Variants in FAM171A2 observed in about 807,000 individuals in gnomAD.
The protein encoded by FAM171A2 is protein FAM171A2.
Under a neutral mutation model 34.2 loss-of-function variants are expected in FAM171A2, and 13 were observed. The ratio of observed to expected loss-of-function variants is 0.38; its 90% CI spans 0.25 to 0.60. The LOEUF (loss-of-function observed/expected upper bound fraction) is 0.60, where lower values mean the gene tolerates loss of function less well. Ranked by LOEUF, FAM171A2 falls within the 20% of genes least tolerant of loss-of-function variation. FAM171A2 has a pLI of 0.62. For missense variants in FAM171A2, 950 were observed against 1,180.7 expected (o/e 0.80, Z 2.86); for synonymous variants, 475 against 561.2 (o/e 0.85, Z 2.17).
In FAM171A2 at chr17:44,353,485, C is replaced by G. The variant is rs1243221270; in HGVS notation, c.*248G>C. The G allele has an allele frequency of 4.3e-6, 1 of 230,336 alleles. No homozygotes were observed. The highest frequency in any genetic ancestry group is 9.4e-5 in the East Asian group (1 of 10,668). The allele number at this position is 230,336 out of a possible 1,614,324, so 14.3% of individuals were successfully genotyped here. On this transcript the variant is annotated 3_prime_UTR_variant, in exon 8 of 8. Coordinates refer to ENST00000293443, the MANE Select transcript of FAM171A2 (RefSeq NM_198475.3). ...AGCCACGTCTACACAGGCACTGCTT[C>G]CCCCCAGCCCTCCTCCCCGGCACCT...
At position 44,354,001 on chromosome 17, in the gene FAM171A2, C is replaced by A; in HGVS notation, c.2213G>T (p.Arg738Leu). ...EDTEPSSSES[R>L]TGLCSPEDNS... ...GTCCTCCGGAGAGCAGAGGCCCGTG[C>A]GGCTCTCGCTGCTGCTGGGCTCCGT... is the stretch of plus-strand genomic sequence containing the variant. The change falls in exon 8 of 8, where the codon CGC becomes CTC. Residue 738 changes from arginine (R) to leucine (L), a missense_variant. Arg to Leu is a moderately radical substitution (Grantham distance 102). Coordinates refer to ENST00000293443, the MANE Select transcript of FAM171A2 (RefSeq NM_198475.3). This position sits in a 1 kb window ranked among gnomAD's most constrained non-coding sequence, Gnocchi z 5.8. The A allele has an allele frequency of 8.2e-7, 1 of 1,220,336 alleles. No homozygotes were observed. The allele number at this position is 1,220,336 out of a possible 1,614,324, so 75.6% of individuals were successfully genotyped here.
chr17:44,360,257 A>G, intron 1 of FAM171A2, 125 bp from the exon 2 acceptor site: 1 of 753,478 alleles, frequency 1.3e-6, no homozygotes, highest in Non-Finnish European at 2.1e-6. Flanking sequence ...TAGAGAAGGC[A>G]TGATTTAAGA....
chr17:44,362,508 G>T (rs867541221), intron 1 of FAM171A2, among the ~76,000 whole-genome samples: 7 of 152,326 alleles, frequency 4.6e-5, no homozygotes, highest in Middle Eastern at 6.8e-3. Context: ...CTTAGTGTGG[G>T]GGGTGAGGAG....
Position 44,353,611 on chromosome 17 carries a change from C to T in FAM171A2, c.*122G>A. 1.4e-6 allele frequency: 1 copy of T among 721,428 alleles called. No individual in the cohort carries two copies. The highest frequency in any genetic ancestry group is 1.8e-6 in the Non-Finnish European group (1 of 540,548). The allele number at this position is 721,428 out of a possible 1,614,324, so 44.7% of individuals were successfully genotyped here. A position where few individuals can be genotyped will look rare whatever the true frequency, so the allele number is the denominator to read the frequency against. On this transcript the variant is annotated 3_prime_UTR_variant, in exon 8 of 8. Coordinates refer to ENST00000293443, the MANE Select transcript of FAM171A2 (RefSeq NM_198475.3). ...CACCAACCACGGAACAGCTCCAAGGCCCCTGGGCCCCTCTCCGGCCTGGGG... is the reference window on the plus strand; with the variant it reads ...CACCAACCACGGAACAGCTCCAAGGTCCCTGGGCCCCTCTCCGGCCTGGGG...
chr17:44,363,124 C>T (rs533504916), intron 1 of FAM171A2, among the ~76,000 whole-genome samples: 1 of 152,098 alleles, frequency 6.6e-6, no homozygotes, highest in African/African-American at 2.4e-5. Flanking sequence ...TCCCCTCCCC[C>T]CTTCAAACCC....
rs1305173057 is a variant in FAM171A2 at position 44,355,212 on chromosome 17, G to A, written c.1023-21C>T. The A allele has an allele frequency of 6.5e-7, 1 of 1,549,440 alleles. No individual in the cohort carries two copies. Among genetic ancestry groups the A allele is most frequent in the Admixed American group, 2.0e-5 (1 of 50,776 alleles). On this transcript the variant is annotated intron_variant, in intron 7 of 7. Transcript: ENST00000293443. This position sits in a 1 kb window ranked among gnomAD's most constrained non-coding sequence, Gnocchi z 4.1. ...GCCTCCTGGAAGGGAGGGAGCAGAA[G>A]GGGCCGCTCAGGAAAGGGTGAGGGC...
Position 44,353,375 on chromosome 17 carries a change from A to C in FAM171A2, c.*358T>G. 1 of 165,430 alleles carries C rather than the reference A, an allele frequency of 6.0e-6. No homozygotes were observed. Among genetic ancestry groups the C allele is most frequent in the Admixed American group, 6.0e-5 (1 of 16,640 alleles). 10.2% of individuals were successfully genotyped at this position (165,430 alleles called of 1,614,324 possible). A position where few individuals can be genotyped will look rare whatever the true frequency, so the allele number is the denominator to read the frequency against. Reference sequence around the variant, plus strand: ...CTCCCCTCCCAGGGGTCCACAAAGAACGCCCCCTCCCTTCCCAGCCCTCAC... The same window carrying C: ...CTCCCCTCCCAGGGGTCCACAAAGACCGCCCCCTCCCTTCCCAGCCCTCAC... On this transcript the variant is annotated 3_prime_UTR_variant, in exon 8 of 8. Transcript: ENST00000293443.
chr17:44,360,092 C>T lies in FAM171A2; in HGVS notation c.159G>A (p.Leu53=), dbSNP rs553435187. 86 of 1,551,668 alleles carry T rather than the reference C, an allele frequency of 5.5e-5. No individual in the cohort carries two copies. The East Asian group carries it at 2.1e-3, about 38-fold the overall frequency. Residue 53 remains leucine (L), a synonymous_variant, in exon 2 of 8, where the codon CTG becomes CTA. Coordinates refer to ENST00000293443, the MANE Select transcript of FAM171A2 (RefSeq NM_198475.3). ...IKVQVYVSGE[L]VPLARASVDV... Reference sequence around the variant, plus strand: ...CCACTGAGGCCCGGGCCAGGGGCACCAGCTCCCCGCTCACATACACCTGCA... The same window carrying T: ...CCACTGAGGCCCGGGCCAGGGGCACTAGCTCCCCGCTCACATACACCTGCA...
Position 44,356,180 on chromosome 17 carries a change from G to A in FAM171A2, c.771C>T (p.Pro257=), listed in dbSNP as rs2048422431. 2 of 1,546,864 alleles carry A rather than the reference G, an allele frequency of 1.3e-6. No homozygotes were observed. Among genetic ancestry groups the A allele is most frequent in the Non-Finnish European group, 1.7e-6 (2 of 1,143,602 alleles). ...GCCCCCTGAGGCACTTACCACTCTT[G>A]GGGTCAAATCTCCAGGCTGGAATGC... is the stretch of plus-strand genomic sequence containing the variant. The part of the protein sequence containing the change: ...GTSIPAWRFD[P]KSGLWVRNGT... Residue 257 remains proline, a synonymous_variant, in exon 5 of 8, where the codon CCC becomes CCT. Coordinates refer to ENST00000293443, the MANE Select transcript of FAM171A2 (RefSeq NM_198475.3).
intron 1 of FAM171A2, among the ~76,000 whole-genome samples, chr17:44,360,919 T>G (rs912333619): frequency 2.0e-4 from 31 of 152,196 alleles, no homozygotes; most frequent in African/African-American, 7.2e-4. Context: ...CCCCCTCACA[T>G]GAACCGCCTG....
chr17:44,359,682 G>A lies in FAM171A2; in HGVS notation c.347-11C>T. The A allele has an allele frequency of 1.3e-6, 2 of 1,549,228 alleles. No individual in the cohort carries two copies. Among genetic ancestry groups the A allele is most frequent in the Non-Finnish European group, 1.7e-6 (2 of 1,146,188 alleles). On this transcript the variant is annotated splice_polypyrimidine_tract_variant and intron_variant, in intron 2 of 7. Coordinates refer to ENST00000293443, the MANE Select transcript of FAM171A2 (RefSeq NM_198475.3). ...TGACAGACGCATACACTGCGGGAGGGATGGCCGGTCAGCTCCAGGAAAACC... is the reference window on the plus strand; with the variant it reads ...TGACAGACGCATACACTGCGGGAGGAATGGCCGGTCAGCTCCAGGAAAACC...
chr17:44,358,200 A>C (rs2048433360), intron 3 of FAM171A2, among the ~76,000 whole-genome samples: 1 of 152,248 alleles, frequency 6.6e-6, no homozygotes, highest in Admixed American at 6.5e-5. Flanking sequence ...AGAAAGGCCC[A>C]GAGGCGTGGG....
chr17:44,360,160 G>T, intron 1 of FAM171A2, 28 bp from the exon 2 acceptor site: 1 of 1,521,126 alleles, frequency 6.6e-7, no homozygotes, highest in Non-Finnish European at 8.9e-7. Flanking sequence ...CAAAGGGAGT[G>T]AGGACGAGGG....
rs1305731553 is a variant in FAM171A2, at chr17:44,353,707, G to A, written c.*26C>T. The A allele has an allele frequency of 2.3e-6, 3 of 1,303,800 alleles. No homozygotes were observed. Among genetic ancestry groups the A allele is most frequent in the African/African-American group, 1.6e-5 (1 of 63,630 alleles). 80.8% of individuals were successfully genotyped at this position (1,303,800 alleles called of 1,614,324 possible). ...CCCTGGGTGCGGGCCCGCGCGGGAG[G>A]GGCGGTGCCAGGCCCTGCGCGGGCG... On this transcript the variant is annotated 3_prime_UTR_variant, in exon 8 of 8. Coordinates refer to ENST00000293443, the MANE Select transcript of FAM171A2 (RefSeq NM_198475.3).
rs577307877 is a variant in FAM171A2 at position 44,355,332 on chromosome 17, G to C, written c.1023-141C>G. On this transcript the variant is annotated intron_variant, in intron 7 of 7. Transcript: ENST00000293443. This position sits in a 1 kb window ranked among gnomAD's most constrained non-coding sequence, Gnocchi z 4.1. Reference sequence around the variant, plus strand: ...CCTGGGGCGCTCAGGAGAGATGGCGGGGAGCCGCCGTGTCCGTTTGGCGAT... The same window carrying C: ...CCTGGGGCGCTCAGGAGAGATGGCGCGGAGCCGCCGTGTCCGTTTGGCGAT... 16 of 1,398,130 alleles carry C rather than the reference G, an allele frequency of 1.1e-5. No homozygotes were observed. In the South Asian group the frequency reaches 2.4e-4, roughly 21 times the overall value. The allele number at this position is 1,398,130 out of a possible 1,614,324, so 86.6% of individuals were successfully genotyped here.
intron 3 of FAM171A2, 43 bp from the exon 4 acceptor site, chr17:44,356,631 G>C (rs749016593): frequency 6.7e-7 from 1 of 1,499,942 alleles, no homozygotes; most frequent in Non-Finnish European, 8.9e-7. Context: ...CATGGACAGG[G>C]ATCCCCAGGG....
In FAM171A2 at chr17:44,354,130, G is replaced by T; in HGVS notation, c.2084C>A (p.Ala695Glu). The part of the protein sequence containing the change: ...SLDSGVDVHE[A>E]RPARRRPARE... ...CGCGGGCCGGCGGCGCGCGGGCCGC[G>T]CCTCGTGGACATCTACGCCCGAGTC... Residue 695 changes from alanine to glutamate, a missense_variant, in exon 8 of 8, where the codon GCG becomes GAG. Ala to Glu is a moderately radical substitution (Grantham distance 107, BLOSUM62 -1). This residue lies in a region of FAM171A2 where 191 missense variants were observed against 222.8 expected (regional missense o/e 0.86). Transcript: ENST00000293443. The surrounding 1 kb of genome is among the most constrained non-coding windows in gnomAD (Gnocchi z 5.8). 2 of 1,173,130 alleles carry T rather than the reference G, an allele frequency of 1.7e-6. No individual in the cohort carries two copies. The highest frequency in any genetic ancestry group is 2.1e-6 in the Non-Finnish European group (2 of 947,822). 72.7% of individuals were successfully genotyped at this position (1,173,130 alleles called of 1,614,324 possible).
In FAM171A2 at chr17:44,356,001, G is replaced by T. The variant is rs762848490; in HGVS notation, c.852C>A (p.Pro284=). The change falls in exon 6 of 8, where the codon CCC becomes CCA. Residue 284 remains proline, a synonymous_variant. Transcript: ENST00000293443. The part of the protein sequence containing the change: ...GRQLYWTFVS[P]QLGYWVAAMA... Reference sequence around the variant, plus strand: ...TGGCGGCCACCCAGTACCCCAGCTGGGGGGAGACGAAGGTCCAGTAGAGCT... The same window carrying T: ...TGGCGGCCACCCAGTACCCCAGCTGTGGGGAGACGAAGGTCCAGTAGAGCT... 2 of 1,547,648 alleles carry T rather than the reference G, an allele frequency of 1.3e-6. No homozygotes were observed. The highest frequency in any genetic ancestry group is 1.4e-5 in the African/African-American group (1 of 73,004).
chr17:44,354,424 C>T lies in FAM171A2; in HGVS notation c.1790G>A (p.Gly597Asp). The change falls in exon 8 of 8, where the codon GGC (glycine) becomes GAC (aspartate). Residue 597 changes from glycine to aspartate, a missense_variant. Physicochemically the swap from Gly to Asp is moderately conservative, Grantham distance 94 (BLOSUM62 -1). Transcript: ENST00000293443. This position sits in a 1 kb window ranked among gnomAD's most constrained non-coding sequence, Gnocchi z 5.8. ...PGHSGPGGEG[G>D]GGGGEGWGAG... Reference sequence around the variant, plus strand: ...CCCCCAGCCCTCGCCGCCGCCCCCGCCGCCCTCGCCCCCCGGGCCCGAGTG... The same window carrying T: ...CCCCCAGCCCTCGCCGCCGCCCCCGTCGCCCTCGCCCCCCGGGCCCGAGTG... 2 of 1,142,970 alleles carry T rather than the reference C, an allele frequency of 1.7e-6. No individual in the cohort carries two copies. Among genetic ancestry groups the T allele is most frequent in the Non-Finnish European group, 1.1e-6 (1 of 927,378 alleles). 70.8% of individuals were successfully genotyped at this position (1,142,970 alleles called of 1,614,324 possible).
Sources: gnomAD v4.1 joint callset for allele counts (sites outside exome capture counted in the v4.1 genomes callset) on GRCh38, gnomAD v4.1.1 for gene constraint, gnomAD v4.1.1 regional missense constraint, Gnocchi (gnomAD v3.1) non-coding constraint, MANE v1.5 for transcripts, NCBI Gene and HGNC (gene_info 2026-07-23, HGNC 2026-07-21) for gene names.